Variants in ZBTB25 observed in about 807,000 individuals in gnomAD.
ZBTB25 encodes zinc finger and BTB domain-containing protein 25.
Under a neutral mutation model 34.2 loss-of-function variants are expected in ZBTB25, and 20 were observed. The ratio of observed to expected loss-of-function variants is 0.58; its 90% confidence interval spans 0.41 to 0.85. The LOEUF is 0.85. Among genes scored for constraint, ZBTB25 ranks in the 40% least tolerant of loss-of-function variants. ZBTB25 has a pLI of 0.00. For synonymous variants in ZBTB25, 175 were observed against 186.4 expected, an observed-to-expected ratio of 0.94 and a Z score of 0.50; for missense variants, 437 against 521.8, an observed-to-expected ratio of 0.84 and a Z score of 1.58.
intron 2 of ZBTB25, chr14:64,463,318 A>G (rs1480050937): frequency 1.3e-5 from 2 of 152,016 alleles, no homozygotes; most frequent in African/African-American, 4.8e-5. Flanking sequence ...TATGTTATTT[A>G]TAGTACTATA....
Position 64,450,085 on chromosome 14 carries a change from C to T in ZBTB25, c.174-447G>A, listed in dbSNP as rs372615121. On this transcript the variant is annotated intron_variant, in intron 2 of 2. Coordinates refer to the ZBTB25 transcript ENST00000555220. ...AATTACAGGCGTGAGCCACTGCGTC[C>T]GCCCAGACAGCCTTCTTATAAACAT... is the stretch of plus-strand genomic sequence containing the variant. 1.6e-4 allele frequency among the ~76,000 whole-genome samples: 25 copies of T among 152,260 alleles called. No homozygotes were observed. The South Asian group carries it at 4.6e-3, about 28-fold the overall frequency.
rs1036499708 is a variant in ZBTB25 at position 64,485,678 on chromosome 14, CT to C, written c.*1244del. 4.8e-5 allele frequency: 47 copies of C among 985,220 alleles called. No individual in the cohort carries two copies. In the African/African-American group the frequency reaches 7.9e-4, roughly 16 times the overall value. 61.0% of individuals were successfully genotyped at this position (985,220 alleles called of 1,614,324 possible). On this transcript the variant is annotated 3_prime_UTR_variant, in exon 3 of 3. Transcript: ENST00000608382. ...TTATGGATCAGGAAAAAAGTGAAAA[CT>C]GTGCCACTGAAAAATTACTTTTTCA...
chr14:64,503,781 C>G lies in ZBTB25; in HGVS notation c.-128G>C. ...CTCGGCCGCCTCTCGCGCGGCTTCC[C>G]GCGCCGGCAGCCCGCGATGGCCCCA... On this transcript the variant is annotated 5_prime_UTR_variant, in exon 1 of 3. Transcript: ENST00000608382. 1 of 213,522 alleles carries G rather than the reference C, an allele frequency of 4.7e-6. No homozygotes were observed. The highest frequency in any genetic ancestry group is 8.1e-6 in the Non-Finnish European group (1 of 124,084). 13.2% of individuals were successfully genotyped at this position (213,522 alleles called of 1,614,324 possible).
At chr14:64,495,129 T>C (rs1003625531) in intron 1 of ZBTB25, among the ~76,000 whole-genome samples, 1 of 152,238 alleles carries the variant, frequency 6.6e-6, no homozygotes, top group Non-Finnish European at 1.5e-5. Context: ...CTCCACTGAT[T>C]AGGGTGATTG....
In ZBTB25 at chr14:64,484,898, T is replaced by C. The variant is rs2078841950; in HGVS notation, c.*2025A>G. On this transcript the variant is annotated 3_prime_UTR_variant, in exon 3 of 3. Transcript: ENST00000608382. ...GGGCAGTACAAATTTCAATAGTTGCTTAAGTGAATTGGTAGAAAAAAGTTT... is the reference window on the plus strand; with the variant it reads ...GGGCAGTACAAATTTCAATAGTTGCCTAAGTGAATTGGTAGAAAAAAGTTT... 2.4e-5 allele frequency: 14 copies of C among 574,246 alleles called. No individual in the cohort carries two copies. Among genetic ancestry groups the C allele is most frequent in the Non-Finnish European group, 2.9e-5 (13 of 454,512 alleles). 35.6% of individuals were successfully genotyped at this position (574,246 alleles called of 1,614,324 possible).
intron 2 of ZBTB25, chr14:64,472,179 T>C (rs1006515761): frequency 1.2e-5 from 2 of 167,214 alleles, no homozygotes; most frequent in South Asian, 2.1e-4. Context: ...TCACTATATG[T>C]GGTGCTAATG....
At chr14:64,469,565 C>A in intron 2 of ZBTB25, 2 of 1,613,816 alleles carry the variant, frequency 1.2e-6, no homozygotes, top group Non-Finnish European at 1.7e-6. Context: ...ATATGAAACA[C>A]TCTTAATTGA....
intron 2 of ZBTB25, chr14:64,459,733 CATTT>C: frequency 6.6e-7 from 1 of 1,520,452 alleles, no homozygotes; most frequent in Non-Finnish European, 8.8e-7. Flanking sequence ...TTAGAGAAAA[CATTT>C]ATTTCTTGTT....
At chr14:64,459,285 C>T (rs758707360) in intron 2 of ZBTB25, among the ~76,000 whole-genome samples, 6 of 152,116 alleles carry the variant, frequency 3.9e-5, no homozygotes, top group Non-Finnish European at 8.8e-5. Flanking sequence ...TGGACATTAG[C>T]GAAGGGGCAT....
downstream of ZBTB25, among the ~76,000 whole-genome samples, chr14:64,477,119 T>C (rs1223164003): frequency 6.6e-6 from 1 of 152,206 alleles, no homozygotes; most frequent in African/African-American, 2.4e-5. Flanking sequence ...GACTAATCAG[T>C]GAAAACTGCT....
chr14:64,459,873 C>A, intron 2 of ZBTB25: 2 of 1,536,096 alleles, frequency 1.3e-6, no homozygotes, highest in Non-Finnish European at 1.7e-6. Flanking sequence ...CCCAGAAGAT[C>A]TGAAACTAAT....
In ZBTB25 at chr14:64,487,410, A is replaced by ATTC; in HGVS notation, c.820_821insGAA (p.Leu274delinsArgMet). On this transcript the variant is annotated protein_altering_variant, in exon 3 of 3. Coordinates refer to ENST00000608382, the MANE Select transcript of ZBTB25 (RefSeq NM_006977.5). Reference sequence around the variant, plus strand: ...CACTTCACCAAGGTCATTACTTTCCAGAATGGAAGCAGGGACACCGAATGG... The same window carrying ATTC: ...CACTTCACCAAGGTCATTACTTTCCATTCGAATGGAAGCAGGGACACCGAATGG... 6.2e-7 allele frequency: 1 copy of ATTC among 1,614,218 alleles called. No individual in the cohort carries two copies. The highest frequency in any genetic ancestry group is 8.5e-7 in the Non-Finnish European group (1 of 1,180,040).
At chr14:64,457,492 G>T (rs1246106714) in intron 2 of ZBTB25, among the ~76,000 whole-genome samples, 1 of 146,622 alleles carries the variant, frequency 6.8e-6, no homozygotes, top group Admixed American at 7.0e-5. Flanking sequence ...GTCTTGCTCT[G>T]TCACCCAGGC....
At chr14:64,464,190 C>G (rs2078586695) in intron 2 of ZBTB25, among the ~76,000 whole-genome samples, 1 of 141,748 alleles carries the variant, frequency 7.1e-6, no homozygotes, top group Non-Finnish European at 1.6e-5. Context: ...CATACGTGCA[C>G]CACCATGCCC....
At position 64,484,241 on chromosome 14, in the gene ZBTB25, A is replaced by C. The variant is rs533376759; in HGVS notation, c.*2682T>G. The C allele has an allele frequency of 5.5e-4, 84 of 152,376 alleles. No homozygotes were observed. Among genetic ancestry groups the C allele is most frequent in the African/African-American group, 1.9e-3 (79 of 41,586 alleles). 9.4% of individuals were successfully genotyped at this position (152,376 alleles called of 1,614,324 possible). A position where few individuals can be genotyped will look rare whatever the true frequency, so the allele number is the denominator to read the frequency against. Reference sequence around the variant, plus strand: ...AACAGATATATTTCTGCTTTAAATGAGTGTTGTCTATCACGGCCAATCAGC... The same window carrying C: ...AACAGATATATTTCTGCTTTAAATGCGTGTTGTCTATCACGGCCAATCAGC... On this transcript the variant is annotated 3_prime_UTR_variant, in exon 3 of 3. Coordinates refer to ENST00000608382, the MANE Select transcript of ZBTB25 (RefSeq NM_006977.5).
downstream of ZBTB25, among the ~76,000 whole-genome samples, chr14:64,475,639 G>C (rs1336817708): frequency 1.3e-5 from 2 of 152,004 alleles, no homozygotes; most frequent in African/African-American, 4.8e-5. Flanking sequence ...AGCTTACTGG[G>C]GGTTAAGTTC....
At chr14:64,498,088 C>T (rs1039909433) in intron 1 of ZBTB25, among the ~76,000 whole-genome samples, 25 of 152,074 alleles carry the variant, frequency 1.6e-4, no homozygotes, top group African/African-American at 5.8e-4. Context: ...CTTTATATAG[C>T]GACTAACTTT....
intron 1 of ZBTB25, among the ~76,000 whole-genome samples, chr14:64,494,628 C>CA (rs1207106268): frequency 3.2e-4 from 48 of 148,486 alleles, no homozygotes; most frequent in African/African-American, 6.2e-4. Context: ...GACTCTGTCT[C>CA]AAAAAAAAAT....
At chr14:64,458,101 G>C in intron 2 of ZBTB25, 3 of 829,276 alleles carry the variant, frequency 3.6e-6, no homozygotes, top group Non-Finnish European at 6.4e-6. Context: ...ATGTTGCCCA[G>C]GGTGGTTTAG....
Sources: gnomAD v4.1 joint callset for allele counts (sites outside exome capture counted in the v4.1 genomes callset) on GRCh38, gnomAD v4.1.1 for gene constraint, MANE v1.5 for transcripts, NCBI Gene and HGNC (gene_info 2026-07-23, HGNC 2026-07-21) for gene names.